The following QPCT variants were observed in gnomAD, a reference collection of about 807,000 sequenced individuals.
QPCT encodes the protein glutaminyl-peptide cyclotransferase.
QPCT carries 44 observed loss-of-function variants against 43.4 expected under a neutral mutation model. The observed-to-expected ratio is 1.01, with a 90% CI of 0.80 to 1.30. The LOEUF (loss-of-function observed/expected upper bound fraction) is 1.30, where lower values mean the gene tolerates loss of function less well. Ranked by LOEUF, QPCT falls within the 50% of genes most tolerant of loss-of-function variation. QPCT has a pLI of 0.00. For synonymous variants in QPCT, 168 were observed against 168.4 expected (o/e 1.00, Z 0.02); for missense variants, 526 against 436.5 (o/e 1.21, Z -1.83).
chr2:37,366,594 T>G (rs1460796215), intron 3 of QPCT, among the ~76,000 whole-genome samples: 1 of 152,238 alleles, frequency 6.6e-6, no homozygotes, highest in Non-Finnish European at 1.5e-5. Context: ...TGTTTCAGGT[T>G]GGATTCCCCA....
At chr2:37,371,993 T>A (rs1274093550) in intron 5 of QPCT, among the ~76,000 whole-genome samples, 1 of 152,214 alleles carries the variant, frequency 6.6e-6, no homozygotes, top group Non-Finnish European at 1.5e-5. Flanking sequence ...GCATTCTTCA[T>A]GCAGCATCTT....
At chr2:37,362,013 C>T (rs1230289197) in intron 3 of QPCT, among the ~76,000 whole-genome samples, 1 of 152,170 alleles carries the variant, frequency 6.6e-6, no homozygotes, top group Non-Finnish European at 1.5e-5. Context: ...AGCAGGTTGC[C>T]TCATGGGACT....
intron 3 of QPCT, among the ~76,000 whole-genome samples, chr2:37,366,794 G>GC (rs142904776): frequency 0.032 from 4,949 of 152,280 alleles, 105 homozygotes; most frequent in Middle Eastern, 0.14. Flanking sequence ...TCTTTAGAGA[G>GC]CCCCCCGTAC....
Position 37,369,744 on chromosome 2 carries a change from T to C in QPCT, c.783T>C (p.Phe261=), listed in dbSNP as rs768338957. ...CAAACCCAACGTTTCCCAATTTTTT[T>C]CCAAACTCAGCCAGGTGGTTCGAAA... is the stretch of plus-strand genomic sequence containing the variant. ...GAPNPTFPNF[F]PNSARWFERL... is the part of the protein sequence containing the mutation. Residue 261 remains phenylalanine (F), a synonymous_variant, in exon 5 of 7, where the codon TTT becomes TTC. Transcript: ENST00000338415. 1.2e-6 allele frequency: 2 copies of C among 1,608,526 alleles called. No individual in the cohort carries two copies. The highest frequency in any genetic ancestry group is 2.7e-5 in the African/African-American group (2 of 74,798).
intron 3 of QPCT, among the ~76,000 whole-genome samples, chr2:37,366,121 T>G (rs894587044): frequency 2.0e-5 from 3 of 152,078 alleles, no homozygotes; most frequent in Admixed American, 6.6e-5. Context: ...GAGGACATTA[T>G]GGGGGTGAAG....
chr2:37,347,181 CA>C (rs1411695336), intron 1 of QPCT, among the ~76,000 whole-genome samples: 1 of 36,794 alleles, frequency 2.7e-5, no homozygotes, highest in Non-Finnish European at 4.2e-5. Flanking sequence ...ATATATATAA[CA>C]TATATATATA....
At chr2:37,357,816 T>C (rs1219606315) in intron 2 of QPCT, among the ~76,000 whole-genome samples, 3 of 152,140 alleles carry the variant, frequency 2.0e-5, no homozygotes, top group African/African-American at 7.2e-5. Flanking sequence ...CTACGTGTCA[T>C]GTCGCATTAG....
intron 1 of QPCT, among the ~76,000 whole-genome samples, chr2:37,350,807 G>A (rs1472504366): frequency 6.6e-6 from 1 of 152,152 alleles, no homozygotes; most frequent in African/African-American, 2.4e-5. Flanking sequence ...GAAGGAAATA[G>A]TAACTAACAC....
At chr2:37,348,681 A>C (rs1472855041) in intron 1 of QPCT, among the ~76,000 whole-genome samples, 1 of 152,194 alleles carries the variant, frequency 6.6e-6, no homozygotes, top group South Asian at 2.1e-4. Flanking sequence ...CCTAGAAGAG[A>C]TGCTTCAGGA....
At chr2:37,352,089 A>G in intron 1 of QPCT, among the ~76,000 whole-genome samples, 1 of 152,078 alleles carries the variant, frequency 6.6e-6, no homozygotes, top group Admixed American at 6.6e-5. Flanking sequence ...TAGTAGCTAC[A>G]TTAAAAAAGT....
intron 2 of QPCT, among the ~76,000 whole-genome samples, chr2:37,356,577 C>T (rs1256514513): frequency 6.6e-6 from 1 of 152,090 alleles, no homozygotes; most frequent in East Asian, 1.9e-4. Flanking sequence ...CTGGTGGGGA[C>T]TTGTAGACTA....
In QPCT at chr2:37,347,207, C is replaced by CATATATATAACATATAT. The variant is rs1672519148; in HGVS notation, c.120+2362_120+2378dup. On this transcript the variant is annotated intron_variant, in intron 1 of 6. Coordinates refer to ENST00000338415, the MANE Select transcript of QPCT (RefSeq NM_012413.4). ...ATATATATATAACATATATATATAA[C>CATATATATAACATATAT]ATATATATAACATATATATATAACA... 2.8e-4 allele frequency among the ~76,000 whole-genome samples: 8 copies of CATATATATAACATATAT among 28,984 alleles called. 3 individuals are homozygous for CATATATATAACATATAT. In the East Asian group the frequency reaches 0.017, roughly 62 times the overall value. 19.0% of individuals were successfully genotyped at this position (28,984 alleles called of 152,430 possible).
intron 5 of QPCT, among the ~76,000 whole-genome samples, chr2:37,371,917 C>T (rs938965158): frequency 4.6e-5 from 7 of 152,180 alleles, no homozygotes; most frequent in Non-Finnish European, 1.0e-4. Flanking sequence ...ATAGAGTGGC[C>T]ACTTGATATA....
chr2:37,347,196 T>TATATATATATAAC lies in QPCT; in HGVS notation c.120+2354_120+2355insTAACATATATATA, dbSNP rs1558599491. On this transcript the variant is annotated intron_variant, in intron 1 of 6. Coordinates refer to ENST00000338415, the MANE Select transcript of QPCT (RefSeq NM_012413.4). ...ATATATATAACATATATATATAACA[T>TATATATATATAAC]ATATATATAACATATATATAACATA... 8.1e-3 allele frequency among the ~76,000 whole-genome samples: 505 copies of TATATATATATAAC among 62,358 alleles called. 3 individuals are homozygous for TATATATATATAAC. Among genetic ancestry groups the TATATATATATAAC allele is most frequent in the East Asian group, 0.04 (25 of 624 alleles). The allele number at this position is 62,358 out of a possible 152,430, so 40.9% of individuals were successfully genotyped here. A position where few individuals can be genotyped will look rare whatever the true frequency, so the allele number is the denominator to read the frequency against.
chr2:37,365,189 A>G (rs1204739156), intron 3 of QPCT, among the ~76,000 whole-genome samples: 1 of 152,070 alleles, frequency 6.6e-6, no homozygotes, highest in African/African-American at 2.4e-5. Flanking sequence ...AAGAGAAGAG[A>G]ACCATGGAGC....
In QPCT at chr2:37,352,941, A is replaced by T; in HGVS notation, c.267+6A>T. 1 of 1,609,904 alleles carries T rather than the reference A, an allele frequency of 6.2e-7. No individual in the cohort carries two copies. The highest frequency in any genetic ancestry group is 2.2e-5 in the East Asian group (1 of 44,724). On this transcript the variant is annotated splice_donor_region_variant and intron_variant, in intron 2 of 6. Coordinates refer to ENST00000338415, the MANE Select transcript of QPCT (RefSeq NM_012413.4). ...GAAGCTATGCTGCTCGTCAGGTGAGAACATGGGACACAAACCTCAAGCTTG... is the reference window on the plus strand; with the variant it reads ...GAAGCTATGCTGCTCGTCAGGTGAGTACATGGGACACAAACCTCAAGCTTG...
chr2:37,352,880 A>G lies in QPCT; in HGVS notation c.212A>G (p.Gln71Arg), dbSNP rs895245310. The G allele has an allele frequency of 1.2e-6, 2 of 1,614,064 alleles. No homozygotes were observed. Among genetic ancestry groups the G allele is most frequent in the African/African-American group, 2.7e-5 (2 of 74,926 alleles). Residue 71 changes from glutamine (Q) to arginine (R), a missense_variant, in exon 2 of 7, where the codon CAG becomes CGG. Coordinates refer to ENST00000338415, the MANE Select transcript of QPCT (RefSeq NM_012413.4). Reference protein sequence around the residue: ...SISEMWQNDLQPLLIERYPGS... With the variant: ...SISEMWQNDLRPLLIERYPGS... ...TCTGAAATGTGGCAAAATGACTTAC[A>G]GCCATTGCTGATAGAGCGATACCCG...
intron 1 of QPCT, among the ~76,000 whole-genome samples, 163 bp from the exon 2 acceptor site, chr2:37,352,626 C>A (rs764567595): frequency 6.6e-6 from 1 of 152,208 alleles, no homozygotes; most frequent in Non-Finnish European, 1.5e-5. Flanking sequence ...GCCACCGTGC[C>A]CAGCCCTAAC....
At chr2:37,366,974 G>A (rs183022420) in intron 3 of QPCT, 2 of 389,670 alleles carry the variant, frequency 5.1e-6, no homozygotes, top group East Asian at 1.1e-4. Context: ...AAAATTCTGT[G>A]AGGAGTAAGA....
Sources: gnomAD v4.1 joint callset for allele counts (sites outside exome capture counted in the v4.1 genomes callset) on GRCh38, gnomAD v4.1.1 for gene constraint, MANE v1.5 for transcripts, NCBI Gene and HGNC (gene_info 2026-07-23, HGNC 2026-07-21) for gene names.